AGMO: variants seen among roughly 807,000 people sequenced by gnomAD.
AGMO encodes the protein alkylglycerol monooxygenase.
In AGMO, 75 loss-of-function variants were observed where a neutral mutation model predicts 60.2. The ratio of observed to expected loss-of-function variants is 1.25; its 90% CI spans 1.03 to 1.51. AGMO has a LOEUF of 1.51. AGMO is among the 40% of genes most tolerant of loss of function. The pLI is 0.00. For synonymous variants in AGMO, 261 were observed against 177.1 expected, an observed-to-expected ratio of 1.47 and a Z score of -3.76; for missense variants, 763 against 525.5, an observed-to-expected ratio of 1.45 and a Z score of -4.42.
At chr7:15,301,375 G>A (rs1040734354) in intron 12 of AGMO, among the ~76,000 whole-genome samples, 2 of 151,982 alleles carry the variant, frequency 1.3e-5, no homozygotes, top group African/African-American at 4.8e-5. Context: ...GAAAGCAGAG[G>A]TTGCAGTGAG....
chr7:15,547,687 T>A (rs994476866), intron 2 of AGMO, among the ~76,000 whole-genome samples: 1 of 151,960 alleles, frequency 6.6e-6, no homozygotes, highest in Non-Finnish European at 1.5e-5. Flanking sequence ...TCTCGCTGAT[T>A]GCTAGCACAG....
the AGMO span, among the ~76,000 whole-genome samples, chr7:15,185,566 G>A: frequency 3.9e-5 from 6 of 152,196 alleles, no homozygotes; most frequent in Non-Finnish European, 7.3e-5. Flanking sequence ...CGGGGCTTCT[G>A]TCTCATGACT....
intron 3 of AGMO, among the ~76,000 whole-genome samples, chr7:15,530,864 T>G: frequency 7.1e-6 from 1 of 140,738 alleles, no homozygotes; most frequent in Non-Finnish European, 1.5e-5. Flanking sequence ...TATAGATGAC[T>G]GTATATAGAT....
At chr7:15,189,339 C>A in the AGMO span, among the ~76,000 whole-genome samples, 3 of 150,584 alleles carry the variant, frequency 2.0e-5, no homozygotes, top group Non-Finnish European at 4.4e-5. Flanking sequence ...TTTTTTTTTT[C>A]TTTTCCAGTG....
chr7:15,499,954 A>G (rs557091082), intron 3 of AGMO, among the ~76,000 whole-genome samples: 1 of 149,390 alleles, frequency 6.7e-6, no homozygotes, highest in East Asian at 2.0e-4. Context: ...TAATATATAT[A>G]TTTTTCCAGA....
At chr7:15,241,147 A>T (rs796804631) in intron 12 of AGMO, among the ~76,000 whole-genome samples, 18 of 152,086 alleles carry the variant, frequency 1.2e-4, no homozygotes, top group African/African-American at 4.1e-4. Flanking sequence ...GTAGGTATCA[A>T]GCCAACATGG....
intron 12 of AGMO, among the ~76,000 whole-genome samples, chr7:15,334,962 A>G (rs372494081): frequency 6.6e-6 from 1 of 152,182 alleles, no homozygotes; most frequent in South Asian, 2.1e-4. Context: ...AAAGTCATGC[A>G]CCAAAATTAA....
chr7:15,194,071 T>C, the AGMO span, among the ~76,000 whole-genome samples: 5 of 152,196 alleles, frequency 3.3e-5, no homozygotes, highest in Admixed American at 3.3e-4. Context: ...ACTACACTTA[T>C]CCACCAAAAT....
At chr7:15,231,048 T>C (rs1782244890) in intron 12 of AGMO, among the ~76,000 whole-genome samples, 1 of 152,194 alleles carries the variant, frequency 6.6e-6, no homozygotes, top group Admixed American at 6.5e-5. Flanking sequence ...TCTCAGCTTA[T>C]TGAGTCCTAG....
At chr7:15,447,218 C>T (rs1029603141) in intron 3 of AGMO, among the ~76,000 whole-genome samples, 1 of 152,138 alleles carries the variant, frequency 6.6e-6, no homozygotes, top group African/African-American at 2.4e-5. Flanking sequence ...GAATCTTGAT[C>T]GACTTAATGA....
chr7:15,206,188 G>C (rs1023557092), intron 12 of AGMO, among the ~76,000 whole-genome samples: 6 of 151,964 alleles, frequency 3.9e-5, no homozygotes, highest in Non-Finnish European at 8.8e-5. Flanking sequence ...ATATAAATTA[G>C]AGCCAAATGT....
At chr7:15,544,714 A>G (rs1784725700) in intron 3 of AGMO, 58 bp downstream of exon 3, 1 of 1,349,780 alleles carries the variant, frequency 7.4e-7, no homozygotes, top group Non-Finnish European at 9.9e-7. Flanking sequence ...CTGAATATGT[A>G]CTATGTACCA....
chr7:15,287,083 G>C (rs141226144), intron 12 of AGMO, among the ~76,000 whole-genome samples: 1 of 152,256 alleles, frequency 6.6e-6, no homozygotes, highest in Non-Finnish European at 1.5e-5. Flanking sequence ...GCGGGAAGAT[G>C]AGAGGGAGGT....
chr7:15,372,161 T>G (rs369282338), intron 10 of AGMO, among the ~76,000 whole-genome samples: 1 of 100,674 alleles, frequency 9.9e-6, no homozygotes, highest in Non-Finnish European at 2.0e-5. Context: ...CTCTAAAGTC[T>G]AACATGCGGC....
chr7:15,133,371 C>T, the AGMO span, among the ~76,000 whole-genome samples: 2 of 151,934 alleles, frequency 1.3e-5, no homozygotes, highest in East Asian at 3.9e-4. Flanking sequence ...CAGGTGGAGA[C>T]AATAAAGGAA....
At chr7:15,403,305 G>T (rs1040520180) in intron 5 of AGMO, among the ~76,000 whole-genome samples, 1 of 151,892 alleles carries the variant, frequency 6.6e-6, no homozygotes, top group African/African-American at 2.4e-5. Flanking sequence ...TTACTGAAGA[G>T]AATTTAGATT....
chr7:15,450,409 G>T (rs1781827409), intron 3 of AGMO, among the ~76,000 whole-genome samples: 1 of 145,622 alleles, frequency 6.9e-6, no homozygotes, highest in Non-Finnish European at 1.5e-5. Flanking sequence ...AACAGAGCGA[G>T]TCTCCATCTC....
At chr7:15,546,287 G>A (rs1196423496) in intron 2 of AGMO, among the ~76,000 whole-genome samples, 1 of 152,044 alleles carries the variant, frequency 6.6e-6, no homozygotes, top group Non-Finnish European at 1.5e-5. Context: ...TCACAATTTT[G>A]AACAGGAGTA....
At chr7:15,205,056 C>A (rs1163485692) in intron 12 of AGMO, among the ~76,000 whole-genome samples, 1 of 152,128 alleles carries the variant, frequency 6.6e-6, no homozygotes, top group Non-Finnish European at 1.5e-5. Context: ...AGCATCTAAT[C>A]TTAAAGGAGA....
Sources: gnomAD v4.1 joint callset for allele counts (sites outside exome capture counted in the v4.1 genomes callset) on GRCh38, gnomAD v4.1.1 for gene constraint, MANE v1.5 for transcripts, NCBI Gene and HGNC (gene_info 2026-07-23, HGNC 2026-07-21) for gene names.